Variants in PCDHA5 observed in about 807,000 individuals in gnomAD.
The protein encoded by PCDHA5 is protocadherin alpha 5.
Under a neutral mutation model 61.6 loss-of-function variants are expected in PCDHA5, and 43 were observed. The observed-to-expected ratio is 0.70, with a 90% CI of 0.55 to 0.90. The LOEUF (loss-of-function observed/expected upper bound fraction) is 0.90, where lower values mean the gene tolerates loss of function less well. Among genes scored for constraint, PCDHA5 ranks in the 40% least tolerant of loss-of-function variants. The probability of loss-of-function intolerance (pLI) is 0.00; values close to 1 mark genes in which losing one functional copy is unlikely to be tolerated. For missense variants in PCDHA5, 1,298 were observed against 1,222.7 expected (o/e 1.06, Z -0.92); for synonymous variants, 627 against 543.9 (o/e 1.15, Z -2.13).
intron 1 of PCDHA5, among the ~76,000 whole-genome samples, chr5:140,932,839 C>T (rs138437913): frequency 6.6e-6 from 1 of 151,940 alleles, no homozygotes; most frequent in East Asian, 1.9e-4. Flanking sequence ...GACAATGTGT[C>T]TCATAATGTT....
At position 140,848,413 on chromosome 5, in the gene PCDHA5, G is replaced by A. The variant is rs2150410118; in HGVS notation, c.2352+24286G>A. On this transcript the variant is annotated intron_variant, in intron 1 of 3. Transcript: ENST00000529859. The stretch of plus-strand genomic sequence containing the variant: ...TCTGTGCTGAACGATGGCGAACACA[G>A]CAGAATGGGACTGACGAAATCAGAT... 44 of 1,383,064 alleles carry A rather than the reference G, an allele frequency of 3.2e-5. 5 individuals are homozygous for A. Among genetic ancestry groups the A allele is most frequent in the Non-Finnish European group, 4.2e-5 (42 of 1,005,008 alleles). The allele number at this position is 1,383,064 out of a possible 1,614,324, so 85.7% of individuals were successfully genotyped here.
At position 141,011,407 on chromosome 5, in the gene PCDHA5, G is replaced by A. The variant is rs782613069; in HGVS notation, c.*1470G>A. On this transcript the variant is annotated 3_prime_UTR_variant, in exon 4 of 4. Coordinates refer to ENST00000529859, the MANE Select transcript of PCDHA5 (RefSeq NM_018908.3). ...TGAAATATACTTACTCTGTGCTTGT[G>A]TATGTGAATGTTAATGCAACTATTA... is the stretch of plus-strand genomic sequence containing the variant. The A allele has an allele frequency of 2.0e-5, 3 of 153,718 alleles. No individual in the cohort carries two copies. The highest frequency in any genetic ancestry group is 6.5e-5 in the Admixed American group (1 of 15,284). The allele number at this position is 153,718 out of a possible 1,614,324, so 9.5% of individuals were successfully genotyped here.
In PCDHA5 at chr5:140,836,337, A is replaced by C. The variant is rs143048298; in HGVS notation, c.2352+12210A>C. 5 of 1,613,530 alleles carry C rather than the reference A, an allele frequency of 3.1e-6. No individual in the cohort carries two copies. The African/African-American group carries it at 6.7e-5, about 22-fold the overall frequency. ...GCGCCACCGCCTTCTGGTGCTTGTG[A>C]AGGACCACGGGGAGCCCTCGCTGAC... On this transcript the variant is annotated intron_variant, in intron 1 of 3. Transcript: ENST00000529859.
chr5:140,877,727 A>C, intron 1 of PCDHA5: 1 of 1,614,136 alleles, frequency 6.2e-7, no homozygotes, highest in South Asian at 1.1e-5. Flanking sequence ...TCTTACTCGC[A>C]GCAGAGGAGG....
intron 1 of PCDHA5, among the ~76,000 whole-genome samples, chr5:140,960,353 A>T (rs1197291282): frequency 6.6e-6 from 1 of 152,214 alleles, no homozygotes; most frequent in African/African-American, 2.4e-5. Context: ...ATATGTACTG[A>T]AATAATATGC....
intron 1 of PCDHA5, chr5:140,871,241 C>G (rs782602807): frequency 3.7e-6 from 6 of 1,613,972 alleles, no homozygotes; most frequent in Non-Finnish European, 5.1e-6. Flanking sequence ...CTGGTACTCA[C>G]GCTGCTGCTG....
At chr5:140,875,878 A>C (rs782804026) in intron 1 of PCDHA5, 2 of 1,614,212 alleles carry the variant, frequency 1.2e-6, no homozygotes, top group East Asian at 4.5e-5. Context: ...GTTCAGAGAA[A>C]GGGAACAAAA....
intron 1 of PCDHA5, chr5:140,928,776 T>C (rs2085518837): frequency 6.2e-7 from 1 of 1,614,044 alleles, no homozygotes; most frequent in East Asian, 2.2e-5. Flanking sequence ...TTCCCACTGA[T>C]GCAGTTAAGC....
At chr5:140,883,121 G>A in intron 1 of PCDHA5, 3 of 1,614,070 alleles carry the variant, frequency 1.9e-6, no homozygotes, top group Non-Finnish European at 2.5e-6. Context: ...TAGAAGGCCT[G>A]TATGGCCTGC....
In PCDHA5 at chr5:140,965,644, G is replaced by C. The variant is rs201197561; in HGVS notation, c.2353-13305G>C. On this transcript the variant is annotated intron_variant, in intron 1 of 3. Transcript: ENST00000529859. Reference sequence around the variant, plus strand: ...AAAGAAAAAATTTTAAATTACTCTTGAAAGAAAATGTCTTGGGTGATAAAT... The same window carrying C: ...AAAGAAAAAATTTTAAATTACTCTTCAAAGAAAATGTCTTGGGTGATAAAT... Among the ~76,000 whole-genome samples, 13 of 152,146 alleles carry C rather than the reference G, an allele frequency of 8.5e-5. No individual in the cohort carries two copies. The East Asian group carries it at 2.5e-3, about 29-fold the overall frequency.
intron 1 of PCDHA5, chr5:140,848,356 A>C: frequency 9.6e-7 from 1 of 1,038,310 alleles, no homozygotes; most frequent in Non-Finnish European, 1.4e-6. Flanking sequence ...CCCTTTTCCC[A>C]TGGGAAAGAG....
chr5:140,884,709 C>T (rs2060331114), intron 1 of PCDHA5: 1 of 1,477,632 alleles, frequency 6.8e-7, no homozygotes. Context: ...CTTTAGCCTT[C>T]CTTGCAGTTG....
chr5:140,863,595 A>T (rs976338326), intron 1 of PCDHA5: 15 of 357,408 alleles, frequency 4.2e-5, no homozygotes, highest in Admixed American at 3.4e-4. Flanking sequence ...AAAGTATTTC[A>T]TTCCTATTAA....
chr5:140,867,042 G>T lies in PCDHA5; in HGVS notation c.2352+42915G>T, dbSNP rs782113838. Reference sequence around the variant, plus strand: ...ATATCAAACTCTTTTATGACTTGGCGTTTGTTCAGTACTACTTTATATATT... The same window carrying T: ...ATATCAAACTCTTTTATGACTTGGCTTTTGTTCAGTACTACTTTATATATT... On this transcript the variant is annotated intron_variant, in intron 1 of 3. Transcript: ENST00000529859. The T allele has an allele frequency of 4.6e-5, 7 of 152,202 alleles. 1 individual carries two copies. Among genetic ancestry groups the T allele is most frequent in the African/African-American group, 1.7e-4 (7 of 41,564 alleles). 9.4% of individuals were successfully genotyped at this position (152,202 alleles called of 1,614,324 possible). A position where few individuals can be genotyped will look rare whatever the true frequency, so the allele number is the denominator to read the frequency against.
intron 1 of PCDHA5, among the ~76,000 whole-genome samples, chr5:140,900,019 A>T (rs1164566696): frequency 1.3e-5 from 2 of 151,964 alleles, no homozygotes; most frequent in African/African-American, 4.8e-5. Flanking sequence ...TTTGTTACCC[A>T]GTTTGGCCTT....
intron 1 of PCDHA5, chr5:140,828,028 A>G (rs2150150265): frequency 1.0e-4 from 158 of 1,520,712 alleles, no homozygotes; most frequent in Non-Finnish European, 4.4e-6. Flanking sequence ...AAATTCCGGA[A>G]CATACAGTAT....
Position 140,849,743 on chromosome 5 carries a change from G to C in PCDHA5, c.2352+25616G>C. The C allele has an allele frequency of 1.9e-6, 3 of 1,598,504 alleles. No individual in the cohort carries two copies. The highest frequency in any genetic ancestry group is 2.6e-6 in the Non-Finnish European group (3 of 1,168,014). On this transcript the variant is annotated intron_variant, in intron 1 of 3. Transcript: ENST00000529859. ...TGCTGGACAGAGCTCTGGACCGCGA[G>C]AGTGTGTCCGCCTACGAGCTGGTGG...
At chr5:140,853,186 T>A (rs1319210557) in intron 1 of PCDHA5, 2 of 978,922 alleles carry the variant, frequency 2.0e-6, no homozygotes, top group African/African-American at 3.5e-5. Flanking sequence ...GCCTAAAATG[T>A]GTTCTTTATT....
Position 141,009,783 on chromosome 5 carries a change from G to C in PCDHA5, c.2657G>C (p.Arg886Pro). The part of the protein sequence containing the change: ...IPGSPAIISI[R>P]QEPTNSQIDK... The stretch of plus-strand genomic sequence containing the variant: ...GGATCTCCTGCAATCATCTCCATCC[G>C]GCAGGAGCCTACTAACAGCCAAATT... Residue 886 changes from arginine (R) to proline (P), a missense_variant, in exon 4 of 4, where the codon CGG (arginine) becomes CCG (proline). Arg to Pro is a moderately radical substitution (Grantham distance 103). Coordinates refer to ENST00000529859, the MANE Select transcript of PCDHA5 (RefSeq NM_018908.3). 2 of 1,614,000 alleles carry C rather than the reference G, an allele frequency of 1.2e-6. No homozygotes were observed. The highest frequency in any genetic ancestry group is 1.7e-6 in the Non-Finnish European group (2 of 1,180,008).
Sources: allele counts gnomAD v4.1 joint callset (sites outside exome capture counted in the v4.1 genomes callset), GRCh38; gene constraint gnomAD v4.1.1; transcripts MANE v1.5; gene names NCBI Gene and HGNC (gene_info 2026-07-23, HGNC 2026-07-21).